DEPDC5: variants seen among roughly 807,000 people sequenced by gnomAD.
DEPDC5 encodes GATOR1 complex protein DEPDC5.
A neutral mutation model predicts 217.3 loss-of-function variants in DEPDC5; 73 were observed. The ratio of observed to expected loss-of-function variants is 0.34; its 90% confidence interval spans 0.28 to 0.41. DEPDC5 has a LOEUF of 0.41. Ranked by LOEUF, DEPDC5 falls within the 10% of genes least tolerant of loss-of-function variation. DEPDC5 has a pLI of 1.00. For synonymous variants in DEPDC5, 733 were observed against 756.7 expected (o/e 0.97, Z 0.51); for missense variants, 1,675 against 2,070.1 (o/e 0.81, Z 3.70).
At chr22:31,787,232 G>C (rs1178065964) in intron 10 of DEPDC5, among the ~76,000 whole-genome samples, 1 of 151,792 alleles carries the variant, frequency 6.6e-6, no homozygotes, top group Non-Finnish European at 1.5e-5. Flanking sequence ...ACAGGCATTT[G>C]CTACCACACC....
At chr22:31,760,799 TTC>T in intron 4 of DEPDC5, 97 bp downstream of exon 4, 1 of 1,001,886 alleles carries the variant, frequency 1.0e-6, no homozygotes. Flanking sequence ...GGGCAAGTAA[TTC>T]TCTTCTTTTT....
intron 12 of DEPDC5, among the ~76,000 whole-genome samples, chr22:31,797,389 A>G (rs994754263): frequency 3.9e-4 from 59 of 152,078 alleles, no homozygotes; most frequent in African/African-American, 1.4e-3. Context: ...GCTCAGGGGA[A>G]ACTGCCCCTT....
At chr22:31,755,178 A>T in intron 2 of DEPDC5, 199 bp downstream of exon 2, 1 of 537,070 alleles carries the variant, frequency 1.9e-6, no homozygotes, top group South Asian at 2.9e-5. Flanking sequence ...ACTTTTAAGG[A>T]ACATTGTGAA....
chr22:31,843,585 A>T (rs975534713), intron 28 of DEPDC5, 60 bp from the exon 29 acceptor site: 13 of 1,550,222 alleles, frequency 8.4e-6, no homozygotes, highest in Admixed American at 1.8e-5. Flanking sequence ...AGAAAATAAG[A>T]ATTGGCAGGA....
intron 24 of DEPDC5, among the ~76,000 whole-genome samples, chr22:31,826,704 C>T (rs2090174633): frequency 6.6e-6 from 1 of 152,210 alleles, no homozygotes; most frequent in Admixed American, 6.5e-5. Flanking sequence ...TGTGATCTCA[C>T]TGCTTGTTTT....
rs748813142 is a variant in DEPDC5 at position 31,754,941 on chromosome 22, A to G, written c.20A>G (p.Tyr7Cys). The G allele has an allele frequency of 1.7e-5, 27 of 1,614,110 alleles. No individual in the cohort carries two copies. In the East Asian group the frequency reaches 4.0e-4, roughly 24 times the overall value. ...TGCAAGATGAGAACAACAAAGGTCT[A>G]CAAACTCGTCATCCACAAGAAGGGC... MRTTKV[Y>C]KLVIHKKGFG... Residue 7 changes from tyrosine (Y) to cysteine (C), a missense_variant, in exon 2 of 43, where the codon TAC becomes TGC. Coordinates refer to ENST00000651528, the MANE Select transcript of DEPDC5 (RefSeq NM_001242896.3).
At chr22:31,829,494 T>C (rs1220821110) in intron 24 of DEPDC5, among the ~76,000 whole-genome samples, 2 of 151,964 alleles carry the variant, frequency 1.3e-5, no homozygotes, top group Non-Finnish European at 2.9e-5. Context: ...ATCATGCCAT[T>C]GCACTCCAGC....
chr22:31,783,472 G>C (rs1479479107), intron 8 of DEPDC5, among the ~76,000 whole-genome samples: 1 of 152,072 alleles, frequency 6.6e-6, no homozygotes, highest in Non-Finnish European at 1.5e-5. Flanking sequence ...ACCACTCTGG[G>C]CAACGTAGGG....
chr22:31,785,590 T>A, intron 10 of DEPDC5, among the ~76,000 whole-genome samples: 1 of 150,932 alleles, frequency 6.6e-6, no homozygotes. Context: ...CCAGTGCCTT[T>A]TTTTTTTTTT....
At chr22:31,783,855 A>G in intron 8 of DEPDC5, 52 bp from the exon 9 acceptor site, 1 of 1,509,366 alleles carries the variant, frequency 6.6e-7, no homozygotes, top group Non-Finnish European at 9.2e-7. Context: ...ATCTTATAGA[A>G]CTGAAACTGT....
chr22:31,894,761 C>T (rs2093513468), intron 39 of DEPDC5: 1 of 151,566 alleles, frequency 6.6e-6, no homozygotes, highest in Non-Finnish European at 1.5e-5. Flanking sequence ...AGGGGAATCA[C>T]TTGAACCTGG....
chr22:31,843,354 G>A, intron 28 of DEPDC5, 142 bp downstream of exon 28: 1 of 914,172 alleles, frequency 1.1e-6, no homozygotes, highest in Non-Finnish European at 1.7e-6. Flanking sequence ...TGTTTCTAGG[G>A]TTATTTTAGG....
At chr22:31,814,838 G>A in intron 20 of DEPDC5, 154 bp from the exon 21 acceptor site, 1 of 686,162 alleles carries the variant, frequency 1.5e-6, no homozygotes, top group Non-Finnish European at 2.5e-6. Flanking sequence ...TGTTAAGGGT[G>A]AAGTACCGCA....
At position 31,778,116 on chromosome 22, in the gene DEPDC5, T is replaced by C. The variant is rs2084066313; in HGVS notation, c.431T>C (p.Leu144Pro). The C allele has an allele frequency of 6.2e-7, 1 of 1,614,200 alleles. No individual in the cohort carries two copies. Among genetic ancestry groups the C allele is most frequent in the South Asian group, 1.1e-5 (1 of 91,086 alleles). The change falls in exon 8 of 43, where the codon CTG becomes CCG. Residue 144 changes from leucine to proline, a missense_variant. By Grantham distance (98) the Leu-to-Pro change is moderately conservative. Coordinates refer to ENST00000651528, the MANE Select transcript of DEPDC5 (RefSeq NM_001242896.3). ...FAGIRAQAGE[L>P]WVKNEKVMCG... The stretch of plus-strand genomic sequence containing the variant: ...TCTTTCAGAGCACAGGCTGGTGAAC[T>C]GTGGGTTAAGAATGAGAAGGTCATG...
intron 2 of DEPDC5, chr22:31,757,374 A>C (rs187409994): frequency 2.6e-5 from 4 of 152,346 alleles, no homozygotes; most frequent in African/African-American, 9.6e-5. Context: ...AGCTTGCCTT[A>C]GGAAGTGTGA....
intron 14 of DEPDC5, 27 bp downstream of exon 14, chr22:31,798,683 A>C: frequency 6.2e-7 from 1 of 1,602,848 alleles, no homozygotes; most frequent in Non-Finnish European, 8.5e-7. Context: ...GCCATGAGCC[A>C]GCATCTTGCC....
At chr22:31,786,382 T>G (rs1244628698) in intron 10 of DEPDC5, among the ~76,000 whole-genome samples, 3 of 149,492 alleles carry the variant, frequency 2.0e-5, no homozygotes, top group Non-Finnish European at 4.4e-5. Context: ...TGGAAAACTT[T>G]GTCTCCACAA....
chr22:31,810,796 A>G (rs1568977913), intron 20 of DEPDC5, 155 bp downstream of exon 20: 3 of 1,259,210 alleles, frequency 2.4e-6, no homozygotes, highest in Non-Finnish European at 3.2e-6. Flanking sequence ...TTTTTTTGAG[A>G]TGGAGTTTCG....
At position 31,758,528 on chromosome 22, in the gene DEPDC5, G is replaced by A; in HGVS notation, c.59-18G>A. ...TAATGAGTGTTTTTCTACTTGAAGT[G>A]GCTGAATTGTCTTTCAGATGATGAG... On this transcript the variant is annotated intron_variant, in intron 2 of 42. Transcript: ENST00000651528. 2.5e-6 allele frequency: 4 copies of A among 1,611,010 alleles called. No individual in the cohort carries two copies. The highest frequency in any genetic ancestry group is 3.4e-6 in the Non-Finnish European group (4 of 1,177,246).
Sources: gnomAD v4.1 joint callset for allele counts (sites outside exome capture counted in the v4.1 genomes callset) on GRCh38, gnomAD v4.1.1 for gene constraint, MANE v1.5 for transcripts, NCBI Gene and HGNC (gene_info 2026-07-23, HGNC 2026-07-21) for gene names.